USP8: variants seen among roughly 807,000 people sequenced by gnomAD.
USP8 encodes the protein ubiquitin carboxyl-terminal hydrolase 8.
USP8 carries 27 observed loss-of-function variants against 130.0 expected under a neutral mutation model. The ratio of observed to expected loss-of-function variants is 0.21; its 90% CI spans 0.15 to 0.29. USP8 has a LOEUF of 0.29. Among genes scored for constraint, USP8 ranks in the 10% least tolerant of loss-of-function variants. The pLI is 1.00. For missense variants in USP8, 1,029 were observed against 1,312.2 expected (o/e 0.78, Z 3.33); for synonymous variants, 392 against 444.1 (o/e 0.88, Z 1.48).
At chr15:50,441,562 A>G in intron 3 of USP8, 69 bp downstream of exon 3, 1 of 1,372,360 alleles carries the variant, frequency 7.3e-7, no homozygotes, top group Non-Finnish European at 9.7e-7. Context: ...TTTTTTTCTA[A>G]AAATTTTAAG....
At position 50,504,522 on chromosome 15, in the gene USP8, C is replaced by CA. The variant is rs925523687; in HGVS notation, c.*5440dup. ...CTGGCAACAGAATGAGACCTTGTCT[C>CA]AAAAAACAAAAACAAAAAACACCAG... is the stretch of plus-strand genomic sequence containing the variant. On this transcript the variant is annotated 3_prime_UTR_variant, in exon 20 of 20. Coordinates refer to ENST00000307179, the MANE Select transcript of USP8 (RefSeq NM_005154.5). The CA allele has an allele frequency of 6.6e-5, 10 of 151,994 alleles. No individual in the cohort carries two copies. The highest frequency in any genetic ancestry group is 2.2e-4 in the African/African-American group (9 of 41,358). 9.4% of individuals were successfully genotyped at this position (151,994 alleles called of 1,614,324 possible).
chr15:50,494,084 G>A lies in USP8; in HGVS notation c.2462G>A (p.Gly821Glu), dbSNP rs1223148412. The change falls in exon 16 of 20, where the codon GGG becomes GAG. Residue 821 changes from glycine to glutamate, a missense_variant. Gly to Glu is a moderately conservative substitution (Grantham distance 98, BLOSUM62 -2). Transcript: ENST00000307179. ...QDDINRSNLL[G>E]HKGEVAEEFG... ...TATTTGCACAGGTCAAATTTGTTGG[G>A]GCATAAAGGTGAAGTGGCAGAAGAA... The A allele has an allele frequency of 6.2e-7, 1 of 1,607,218 alleles. No homozygotes were observed. Among genetic ancestry groups the A allele is most frequent in the Non-Finnish European group, 8.5e-7 (1 of 1,178,362 alleles).
chr15:50,482,118 A>T, intron 11 of USP8, 53 bp downstream of exon 11: 1 of 1,441,104 alleles, frequency 6.9e-7, no homozygotes, highest in Non-Finnish European at 9.1e-7. Flanking sequence ...TGTATATGAA[A>T]ATGTGAAAAC....
chr15:50,482,955 A>G (rs926788293), intron 11 of USP8, among the ~76,000 whole-genome samples: 1 of 152,208 alleles, frequency 6.6e-6, no homozygotes, highest in African/African-American at 2.4e-5. Context: ...AACCTCTGCT[A>G]TTAAAAAAGA....
At chr15:50,452,447 C>G (rs1449319258) in intron 4 of USP8, among the ~76,000 whole-genome samples, 1 of 152,084 alleles carries the variant, frequency 6.6e-6, no homozygotes, top group Non-Finnish European at 1.5e-5. Context: ...GACTGTAGAA[C>G]AAATCCAAGG....
intron 11 of USP8, 48 bp downstream of exon 11, chr15:50,482,113 A>G (rs184027516): frequency 2.1e-6 from 3 of 1,447,368 alleles, no homozygotes; most frequent in Non-Finnish European, 2.7e-6. Context: ...GAAAATGTAT[A>G]TGAAAATGTG....
intron 1 of USP8, among the ~76,000 whole-genome samples, chr15:50,433,059 T>C (rs2049979737): frequency 1.3e-5 from 2 of 152,226 alleles, no homozygotes; most frequent in South Asian, 4.1e-4. Context: ...CTGGCCAACA[T>C]GGAGAAACCC....
chr15:50,454,210 T>G (rs1188378298), intron 4 of USP8, among the ~76,000 whole-genome samples: 3 of 152,154 alleles, frequency 2.0e-5, no homozygotes, highest in Non-Finnish European at 4.4e-5. Flanking sequence ...GGATTCTAGG[T>G]TGGCAGGTTT....
At chr15:50,457,194 G>A (rs1191341388) in intron 4 of USP8, among the ~76,000 whole-genome samples, 1 of 152,126 alleles carries the variant, frequency 6.6e-6, no homozygotes, top group East Asian at 1.9e-4. Flanking sequence ...TATTTGAATA[G>A]TCACCATTTC....
chr15:50,477,527 C>A (rs376773514), intron 10 of USP8, 28 bp downstream of exon 10: 2 of 1,580,876 alleles, frequency 1.3e-6, no homozygotes, highest in African/African-American at 1.4e-5. Context: ...ACATTATTCT[C>A]GCTTTTGTTT....
At chr15:50,490,202 T>G (rs1276506658) in intron 13 of USP8, 61 bp from the exon 14 acceptor site, 2 of 1,486,326 alleles carry the variant, frequency 1.3e-6, no homozygotes, top group South Asian at 1.3e-5. Flanking sequence ...AGTGATTTCT[T>G]TGTTTATATA....
chr15:50,448,948 A>G lies in USP8; in HGVS notation c.250-452A>G, dbSNP rs115038379. Among the ~76,000 whole-genome samples, 971 of 152,324 alleles carry G rather than the reference A, an allele frequency of 6.4e-3. 14 individuals are homozygous for G. The highest frequency in any genetic ancestry group is 0.022 in the African/African-American group (935 of 41,564). On this transcript the variant is annotated intron_variant, in intron 3 of 19. Transcript: ENST00000307179. The stretch of plus-strand genomic sequence containing the variant: ...CAGTTGGGATGTGAGTAGCTATTCT[A>G]AAGTACAGGTGGAAGCAAAAATATC...
intron 4 of USP8, among the ~76,000 whole-genome samples, chr15:50,455,409 ATAGCGTCTATTAT>A (rs1171392648): frequency 1.3e-4 from 18 of 143,456 alleles, no homozygotes; most frequent in East Asian, 4.7e-4. Flanking sequence ...GTTCTTTTTT[ATAGCGTCTATTAT>A]TTTTTTACAG....
At chr15:50,450,604 T>C (rs1595920636) in intron 4 of USP8, among the ~76,000 whole-genome samples, 1 of 151,920 alleles carries the variant, frequency 6.6e-6, no homozygotes, top group African/African-American at 2.4e-5. Flanking sequence ...CCTGAGTAGC[T>C]GGTATTACAG....
Position 50,481,924 on chromosome 15 carries a change from A to G in USP8, c.1662A>G (p.Gln554=). The change falls in exon 11 of 20, where the codon CAA becomes CAG. Residue 554 remains glutamine, a synonymous_variant. Coordinates refer to ENST00000307179, the MANE Select transcript of USP8 (RefSeq NM_005154.5). The part of the protein sequence containing the change: ...RGKEITGVKR[Q]SKSEHETSDA... Reference sequence around the variant, plus strand: ...AAGAAATAACAGGAGTAAAAAGACAAAGTAAAAGTGAACATGAAACTTCTG... The same window carrying G: ...AAGAAATAACAGGAGTAAAAAGACAGAGTAAAAGTGAACATGAAACTTCTG... The G allele has an allele frequency of 6.2e-7, 1 of 1,608,078 alleles. No homozygotes were observed. Among genetic ancestry groups the G allele is most frequent in the Non-Finnish European group, 8.5e-7 (1 of 1,178,398 alleles).
At chr15:50,483,954 A>G (rs1002970953) in intron 11 of USP8, among the ~76,000 whole-genome samples, 8 of 152,198 alleles carry the variant, frequency 5.3e-5, no homozygotes, top group African/African-American at 1.9e-4. Context: ...AATAGTATTT[A>G]AATAAAAGAA....
intron 7 of USP8, among the ~76,000 whole-genome samples, chr15:50,467,973 C>T (rs961644476): frequency 1.6e-4 from 24 of 151,390 alleles, no homozygotes; most frequent in Admixed American, 4.6e-4. Flanking sequence ...CTTGCTCTGT[C>T]GCCCAGGCTG....
intron 10 of USP8, among the ~76,000 whole-genome samples, chr15:50,479,669 CA>C (rs199818604): frequency 3.4e-5 from 5 of 147,232 alleles, no homozygotes; most frequent in East Asian, 2.0e-4. Flanking sequence ...CAAATACATG[CA>C]AAAAAAAAGA....
Position 50,500,651 on chromosome 15 carries a change from GC to G in USP8, c.*1564del. 1.1e-6 allele frequency: 1 copy of G among 945,940 alleles called. No homozygotes were observed. The highest frequency in any genetic ancestry group is 1.6e-6 in the Non-Finnish European group (1 of 616,942). The allele number at this position is 945,940 out of a possible 1,614,324, so 58.6% of individuals were successfully genotyped here. A position where few individuals can be genotyped will look rare whatever the true frequency, so the allele number is the denominator to read the frequency against. The stretch of plus-strand genomic sequence containing the variant: ...GTGTTCAGGAAACACCATTTTCCTG[GC>G]TCTTAACGCTTTTGTATTGGTATGG... On this transcript the variant is annotated 3_prime_UTR_variant, in exon 20 of 20. Coordinates refer to ENST00000307179, the MANE Select transcript of USP8 (RefSeq NM_005154.5).
Sources: gnomAD v4.1 joint callset for allele counts (sites outside exome capture counted in the v4.1 genomes callset) on GRCh38, gnomAD v4.1.1 for gene constraint, MANE v1.5 for transcripts, NCBI Gene and HGNC (gene_info 2026-07-23, HGNC 2026-07-21) for gene names.